Variants in ERC1 observed in about 807,000 individuals in gnomAD.
ERC1 encodes RAB6 interacting protein 2.
ERC1 carries 56 observed loss-of-function variants against 132.0 expected under a neutral mutation model. The observed-to-expected ratio is 0.42, with a 90% CI of 0.34 to 0.53. The LOEUF (loss-of-function observed/expected upper bound fraction) is 0.53. ERC1 is among the 20% of genes least tolerant of loss of function. The pLI is 0.03. For missense variants in ERC1, 1,202 were observed against 1,349.9 expected (o/e 0.89, Z 1.72); for synonymous variants, 478 against 476.1 (o/e 1.00, Z -0.05).
At chr12:1,310,549 C>T (rs1037465314) in intron 15 of ERC1, among the ~76,000 whole-genome samples, 2 of 152,136 alleles carry the variant, frequency 1.3e-5, no homozygotes, top group Admixed American at 1.3e-4. Flanking sequence ...TGCTTTATTA[C>T]TAGAATCTCA....
chr12:1,122,481 ATC>A (rs1566020427), intron 7 of ERC1, among the ~76,000 whole-genome samples: 1 of 44,784 alleles, frequency 2.2e-5, no homozygotes, highest in East Asian at 4.5e-4. Context: ...CTGTGTCTCT[ATC>A]TCTATCTCTA....
intron 8 of ERC1, among the ~76,000 whole-genome samples, chr12:1,151,636 C>G (rs1950846876): frequency 6.6e-6 from 1 of 152,208 alleles, no homozygotes; most frequent in African/African-American, 2.4e-5. Flanking sequence ...AGGGTTCTTT[C>G]TCAGTGCCAG....
intron 16 of ERC1, among the ~76,000 whole-genome samples, chr12:1,404,384 CAAA>C (rs35010065): frequency 8.1e-6 from 1 of 124,134 alleles, no homozygotes; most frequent in Admixed American, 8.3e-5. Context: ...CTACTGTTTG[CAAA>C]AAAAAAAAAA....
chr12:1,266,000 C>T (rs2077454186), intron 14 of ERC1, among the ~76,000 whole-genome samples: 1 of 152,146 alleles, frequency 6.6e-6, no homozygotes, highest in Non-Finnish European at 1.5e-5. Flanking sequence ...AGGAACAAAG[C>T]TGCTGTAAAC....
chr12:1,169,357 C>T (rs751407997), intron 8 of ERC1, among the ~76,000 whole-genome samples: 7 of 152,192 alleles, frequency 4.6e-5, no homozygotes, highest in Non-Finnish European at 7.3e-5. Flanking sequence ...CCATGGACAT[C>T]CAGTGATTGA....
At chr12:1,375,944 G>A (rs1367962463) in intron 16 of ERC1, among the ~76,000 whole-genome samples, 1 of 151,942 alleles carries the variant, frequency 6.6e-6, no homozygotes, top group Non-Finnish European at 1.5e-5. Flanking sequence ...CACCAGCTTG[G>A]CCAGGCTGAT....
intron 11 of ERC1, among the ~76,000 whole-genome samples, chr12:1,186,160 A>T (rs982095156): frequency 1.3e-5 from 2 of 152,212 alleles, no homozygotes; most frequent in Non-Finnish European, 2.9e-5. Context: ...TTTCCTAAGT[A>T]TGTGTGTTTT....
intron 2 of ERC1, 75 bp downstream of exon 2, chr12:1,028,647 C>A (rs1967331709): frequency 1.6e-6 from 2 of 1,219,654 alleles, no homozygotes; most frequent in Non-Finnish European, 2.3e-6. Context: ...TTCCCCTTTC[C>A]TAGATTTTTC....
chr12:1,444,799 C>T (rs765732589), intron 18 of ERC1, 49 bp downstream of exon 18: 1 of 1,574,408 alleles, frequency 6.4e-7, no homozygotes, highest in African/African-American at 1.3e-5. Context: ...AATCCAGTTG[C>T]TGTGTAGGTT....
At chr12:1,269,991 A>G (rs2077719888) in intron 14 of ERC1, among the ~76,000 whole-genome samples, 1 of 152,198 alleles carries the variant, frequency 6.6e-6, no homozygotes, top group Non-Finnish European at 1.5e-5. Flanking sequence ...GAATTGAAAT[A>G]AAACCTAATT....
At chr12:1,058,364 T>C (rs1415668351) in intron 2 of ERC1, among the ~76,000 whole-genome samples, 5 of 152,234 alleles carry the variant, frequency 3.3e-5, no homozygotes, top group African/African-American at 1.2e-4. Context: ...TTGAGTTGAC[T>C]ATTGCGTTTG....
In ERC1 at chr12:1,438,219, A is replaced by G. The variant is rs73028374; in HGVS notation, c.3025-6343A>G. Among the ~76,000 whole-genome samples the G allele has an allele frequency of 5.3e-3, 806 of 152,344 alleles. 6 individuals are homozygous for G. Among genetic ancestry groups the G allele is most frequent in the South Asian group, 8.9e-3 (43 of 4,830 alleles). On this transcript the variant is annotated intron_variant, in intron 17 of 18. Transcript: ENST00000360905. ...CATTTTCCTGACCCTGAAGTACATT[A>G]TTGACTAAGAAGATATCTTAGTTAT... is the stretch of plus-strand genomic sequence containing the variant.
At chr12:1,098,140 A>G (rs995402322) in intron 3 of ERC1, among the ~76,000 whole-genome samples, 1 of 152,230 alleles carries the variant, frequency 6.6e-6, no homozygotes, top group East Asian at 1.9e-4. Flanking sequence ...CATACTAGAC[A>G]TATCTGGGCC....
chr12:1,308,551 G>A (rs1006262452), intron 15 of ERC1, among the ~76,000 whole-genome samples: 3 of 152,034 alleles, frequency 2.0e-5, no homozygotes, highest in South Asian at 2.1e-4. Context: ...TAAATTTTTC[G>A]TGACTTTTAG....
Position 1,420,418 on chromosome 12 carries a change from T to C in ERC1, c.3024+12171T>C, listed in dbSNP as rs1300396139. On this transcript the variant is annotated intron_variant, in intron 17 of 18. Transcript: ENST00000360905. ...TTTTCCTTTAAAAAAAAAGTTGTTTTGCTTTGTGAGGTTAAACTTTTTTTT... is the reference window on the plus strand; with the variant it reads ...TTTTCCTTTAAAAAAAAAGTTGTTTCGCTTTGTGAGGTTAAACTTTTTTTT... 5.3e-5 allele frequency among the ~76,000 whole-genome samples: 8 copies of C among 152,216 alleles called. No individual in the cohort carries two copies. The East Asian group carries it at 1.5e-3, about 29-fold the overall frequency.
At chr12:999,260 A>G (rs1005848888) in intron 1 of ERC1, among the ~76,000 whole-genome samples, 2 of 152,004 alleles carry the variant, frequency 1.3e-5, no homozygotes, top group Non-Finnish European at 2.9e-5. Flanking sequence ...CTGTGTGCTG[A>G]GTATTCATTT....
intron 3 of ERC1, among the ~76,000 whole-genome samples, chr12:1,087,839 C>A (rs1942947590): frequency 5.9e-5 from 1 of 16,966 alleles, no homozygotes; most frequent in African/African-American, 1.3e-4. Flanking sequence ...ATGCCTGGCC[C>A]GTTATTATTA....
chr12:1,123,999 ATG>A lies in ERC1; in HGVS notation c.1569+7968_1569+7969del, dbSNP rs547611647. Among the ~76,000 whole-genome samples the A allele has an allele frequency of 1.5e-3, 236 of 152,342 alleles. 1 individual carries two copies. Among genetic ancestry groups the A allele is most frequent in the Non-Finnish European group, 2.2e-3 (150 of 68,032 alleles). ...ATTCTGTCTATAAGTAAACAAATAA[ATG>A]TATATATAGCAGCAATGAGGTGAAA... On this transcript the variant is annotated intron_variant, in intron 7 of 18. Transcript: ENST00000360905.
intron 12 of ERC1, among the ~76,000 whole-genome samples, chr12:1,228,362 A>AGAT (rs2074762008): frequency 2.1e-5 from 1 of 48,296 alleles, no homozygotes; most frequent in Non-Finnish European, 3.8e-5. Flanking sequence ...GTATACAAAA[A>AGAT]TATACAACTA....
Sources: gnomAD v4.1 joint callset for allele counts (sites outside exome capture counted in the v4.1 genomes callset) on GRCh38, gnomAD v4.1.1 for gene constraint, MANE v1.5 for transcripts, NCBI Gene and HGNC (gene_info 2026-07-23, HGNC 2026-07-21) for gene names.